TBL3: variants seen among roughly 807,000 people sequenced by gnomAD.
TBL3 encodes the protein transducin beta-like protein 3.
Under a neutral mutation model 102.7 loss-of-function variants are expected in TBL3, and 71 were observed. The ratio of observed to expected loss-of-function variants is 0.69; its 90% confidence interval spans 0.57 to 0.84. The LOEUF is 0.84. Ranked by LOEUF, TBL3 falls within the 40% of genes least tolerant of loss-of-function variation. The pLI is 0.00. For synonymous variants in TBL3, 578 were observed against 477.7 expected (o/e 1.21, Z -2.74); for missense variants, 1,188 against 1,098.5 (o/e 1.08, Z -1.15).
At chr16:1,976,370 C>A in intron 13 of TBL3, 56 bp downstream of exon 13, 2 of 1,473,794 alleles carry the variant, frequency 1.4e-6, no homozygotes, top group South Asian at 1.2e-5. Flanking sequence ...CCAGGCCTGC[C>A]AGCAGGGCTG....
rs769010540 is a variant in TBL3, at chr16:1,980,189, G to A, written c.*1504G>A. On this transcript the variant is annotated 3_prime_UTR_variant, in exon 22 of 22. Coordinates refer to ENST00000568546, the MANE Select transcript of TBL3 (RefSeq NM_006453.3). ...GTGGGCAGGATCACCCGGCTGGGAA[G>A]GGCAGCCCGTACGAGTGAGAGGTAG... 3.8e-6 allele frequency: 6 copies of A among 1,594,084 alleles called. No homozygotes were observed. Among genetic ancestry groups the A allele is most frequent in the Non-Finnish European group, 5.1e-6 (6 of 1,173,488 alleles).
At position 1,980,434 on chromosome 16, in the gene TBL3, T is replaced by C; in HGVS notation, c.*1749T>C. ...GCGAAGAAGCCAGTGATCGTCGGGC[T>C]CCGTGCCACGCGCTCTGCAGTCGCC... On this transcript the variant is annotated 3_prime_UTR_variant, in exon 22 of 22. Transcript: ENST00000568546. 1.2e-6 allele frequency: 2 copies of C among 1,602,352 alleles called. No homozygotes were observed. The highest frequency in any genetic ancestry group is 1.7e-6 in the Non-Finnish European group (2 of 1,179,864).
chr16:1,974,456 C>CCAG, intron 4 of TBL3, 33 bp downstream of exon 4: 1 of 1,592,926 alleles, frequency 6.3e-7, no homozygotes, highest in Non-Finnish European at 8.6e-7. Context: ...GGGACCCGCT[C>CCAG]CAGCGCCTCC....
At position 1,974,609 on chromosome 16, in the gene TBL3, G is replaced by A. The variant is rs1032035663; in HGVS notation, c.309G>A (p.Leu103=). Residue 103 remains leucine (L), a synonymous_variant, in exon 5 of 22, where the codon CTG becomes CTA. Coordinates refer to ENST00000568546, the MANE Select transcript of TBL3 (RefSeq NM_006453.3). ...GGCAAGAGGGCAGCGTTACCCGCCT[G>A]TGGAAGGCGATACACACGGCCCCCG... ...WAWQEGSVTR[L]WKAIHTAPVA... 4 of 1,611,884 alleles carry A rather than the reference G, an allele frequency of 2.5e-6. No individual in the cohort carries two copies. The highest frequency in any genetic ancestry group is 2.5e-6 in the Non-Finnish European group (3 of 1,178,830).
chr16:1,974,704 T>C (rs757106208), intron 5 of TBL3, 25 bp downstream of exon 5: 1 of 1,611,494 alleles, frequency 6.2e-7, no homozygotes, highest in Admixed American at 1.7e-5. Flanking sequence ...TGCAGGTGGG[T>C]CGTGGGCACA....
Position 1,980,709 on chromosome 16 carries a change from G to C in TBL3, c.*2024G>C. The C allele has an allele frequency of 6.2e-7, 1 of 1,605,400 alleles. No individual in the cohort carries two copies. Among genetic ancestry groups the C allele is most frequent in the Non-Finnish European group, 8.5e-7 (1 of 1,176,354 alleles). ...TCTCCGCAGCAGGCCCGCCTCCACC[G>C]GGAAGGTCTCCTTGAGGGTCTTCTG... On this transcript the variant is annotated 3_prime_UTR_variant, in exon 22 of 22. Coordinates refer to ENST00000568546, the MANE Select transcript of TBL3 (RefSeq NM_006453.3).
intron 18 of TBL3, 45 bp from the exon 19 acceptor site, chr16:1,977,913 G>A: frequency 2.1e-5 from 34 of 1,590,646 alleles, no homozygotes; most frequent in Non-Finnish European, 2.8e-5. Flanking sequence ...TCTGCCTGCA[G>A]CCCCAGCCAG....
rs544086040 is a variant in TBL3, at chr16:1,975,190, C to T, written c.639C>T (p.Ser213=). The change falls in exon 8 of 22, where the codon TCC becomes TCT. Residue 213 remains serine, a synonymous_variant. Transcript: ENST00000568546. ...GAGGTTGCCGTTGCTCCTTCAGCTC[C>T]GGCCGTGACAAGATATGTATCATCT... ...FSADGHTMLS[S]GRDKICIIWD... is the part of the protein sequence containing the mutation. 52 of 1,613,796 alleles carry T rather than the reference C, an allele frequency of 3.2e-5. No individual in the cohort carries two copies. Among genetic ancestry groups the T allele is most frequent in the East Asian group, 3.1e-4 (14 of 44,870 alleles).
At position 1,980,477 on chromosome 16, in the gene TBL3, G is replaced by A; in HGVS notation, c.*1792G>A. ...CAGTCGCCAGCAGCCTCCGAGAATAGGTTTCCAACAGCTGCAGGCGCGCCA... is the reference window on the plus strand; with the variant it reads ...CAGTCGCCAGCAGCCTCCGAGAATAAGTTTCCAACAGCTGCAGGCGCGCCA... On this transcript the variant is annotated 3_prime_UTR_variant, in exon 22 of 22. Transcript: ENST00000568546. 1 of 1,602,558 alleles carries A rather than the reference G, an allele frequency of 6.2e-7. No homozygotes were observed. The highest frequency in any genetic ancestry group is 8.5e-7 in the Non-Finnish European group (1 of 1,179,822).
In TBL3 at chr16:1,977,183, C is replaced by T. The variant is rs377747878; in HGVS notation, c.1570C>T (p.Leu524Phe). The T allele has an allele frequency of 1.2e-6, 2 of 1,613,190 alleles. No homozygotes were observed. Among genetic ancestry groups the T allele is most frequent in the Non-Finnish European group, 1.7e-6 (2 of 1,180,018 alleles). Reference protein sequence around the residue: ...LGVFSGHRRGLWCVQFSPMDQ... With the variant: ...LGVFSGHRRGFWCVQFSPMDQ... ...TGTCTTCTCAGGCCACCGGCGTGGC[C>T]TCTGGTGCGTCCAGTTCTCTCCCAT... The change falls in exon 15 of 22, where the codon CTC becomes TTC. Residue 524 changes from leucine (L) to phenylalanine (F), a missense_variant. Physicochemically the swap from Leu to Phe is conservative, Grantham distance 22. Transcript: ENST00000568546.
At position 1,974,208 on chromosome 16, in the gene TBL3, T is replaced by G; in HGVS notation, c.105T>G (p.Thr35=). ...YKGGKAQLDQ[T]GQHLFCVCGT... is the part of the protein sequence containing the mutation. ...CTCTCTGTCCCCAGCTGGACCAGAC[T>G]GGCCAGCACCTCTTCTGCGTCTGTG... is the stretch of plus-strand genomic sequence containing the variant. The change falls in exon 3 of 22, where the codon ACT becomes ACG. Residue 35 remains threonine, a synonymous_variant. Coordinates refer to ENST00000568546, the MANE Select transcript of TBL3 (RefSeq NM_006453.3). 2 of 1,594,956 alleles carry G rather than the reference T, an allele frequency of 1.3e-6. No homozygotes were observed. The highest frequency in any genetic ancestry group is 2.2e-5 in the South Asian group (2 of 89,306).
At chr16:1,975,786 C>T (rs201902006) in intron 10 of TBL3, 22 bp from the exon 11 acceptor site, 220 of 1,613,998 alleles carry the variant, frequency 1.4e-4, no homozygotes, top group Non-Finnish European at 1.7e-4. Context: ...GCTCACATCT[C>T]CTGCTCCCTG....
Position 1,978,656 on chromosome 16 carries a change from T to A in TBL3, c.2398T>A (p.Trp800Arg), listed in dbSNP as rs764915396. 1.3e-5 allele frequency: 21 copies of A among 1,611,796 alleles called. No homozygotes were observed. In the South Asian group the frequency reaches 2.0e-4, roughly 15 times the overall value. The change falls in exon 22 of 22, where the codon TGG (tryptophan) becomes AGG (arginine). Residue 800 changes from tryptophan (W) to arginine (R), a missense_variant. By Grantham distance (101) the Trp-to-Arg change is moderately radical. Transcript: ENST00000568546. ...LPVPAAAPTP[W>R]ETHKGALP is the part of the protein sequence containing the mutation. ...TGTGCCGGCCGCCGCCCCCACCCCC[T>A]GGGAAACCCATAAAGGCGCACTGCC...
chr16:1,979,069 G>A lies in TBL3; in HGVS notation c.*384G>A. 6.5e-7 allele frequency: 1 copy of A among 1,541,126 alleles called. No homozygotes were observed. ...CCTCGCGCTCACTGCTCCGTCGTGG[G>A]GTGCGGCACAGAGTCCACGCACCCT... On this transcript the variant is annotated 3_prime_UTR_variant, in exon 22 of 22. Coordinates refer to ENST00000568546, the MANE Select transcript of TBL3 (RefSeq NM_006453.3).
rs2083521450 is a variant in TBL3, at chr16:1,982,382, G to T, written c.*3697G>T. ...CTCAGCTGAGGGCCCAGCTGACCTG[G>T]TGGGGTCCAGCGTGTGAACCCAGGG... On this transcript the variant is annotated 3_prime_UTR_variant, in exon 22 of 22. Transcript: ENST00000568546. The T allele has an allele frequency of 6.6e-6, 1 of 152,112 alleles. No homozygotes were observed. Among genetic ancestry groups the T allele is most frequent in the Non-Finnish European group, 1.5e-5 (1 of 68,028 alleles). The allele number at this position is 152,112 out of a possible 1,614,324, so 9.4% of individuals were successfully genotyped here.
rs1355181903 is a variant in TBL3, at chr16:1,980,319, C to G, written c.*1634C>G. ...GTTCCCCCCCACCCTGGACCTCTCC[C>G]AGCTCCAAACGCCGCTGCATGCTGG... On this transcript the variant is annotated 3_prime_UTR_variant, in exon 22 of 22. Coordinates refer to ENST00000568546, the MANE Select transcript of TBL3 (RefSeq NM_006453.3). 6.4e-7 allele frequency: 1 copy of G among 1,572,252 alleles called. No homozygotes were observed. Among genetic ancestry groups the G allele is most frequent in the South Asian group, 1.1e-5 (1 of 87,810 alleles).
At position 1,981,764 on chromosome 16, in the gene TBL3, G is replaced by A. The variant is rs2083514335; in HGVS notation, c.*3079G>A. The A allele has an allele frequency of 6.4e-6, 1 of 155,758 alleles. No individual in the cohort carries two copies. The highest frequency in any genetic ancestry group is 1.9e-4 in the South Asian group (1 of 5,152). 9.6% of individuals were successfully genotyped at this position (155,758 alleles called of 1,614,324 possible). ...CTCTTAATGTCCCCAACTCATAGAG[G>A]AGGAAATGTGTGTTAAATGCGTAAT... On this transcript the variant is annotated 3_prime_UTR_variant, in exon 22 of 22. Transcript: ENST00000568546.
Position 1,979,295 on chromosome 16 carries a change from C to T in TBL3, c.*610C>T, listed in dbSNP as rs767806233. 2.6e-6 allele frequency: 4 copies of T among 1,563,386 alleles called. No homozygotes were observed. Among genetic ancestry groups the T allele is most frequent in the Non-Finnish European group, 3.4e-6 (4 of 1,162,250 alleles). The stretch of plus-strand genomic sequence containing the variant: ...ACCCCGTCCCGCTCAGGAGAGCGCC[C>T]AGCCCTTCCGGCCGCAGCAGCACCG... On this transcript the variant is annotated 3_prime_UTR_variant, in exon 22 of 22. Coordinates refer to ENST00000568546, the MANE Select transcript of TBL3 (RefSeq NM_006453.3).
chr16:1,974,503 T>C (rs545321281), intron 4 of TBL3, 35 bp from the exon 5 acceptor site: 106 of 1,587,954 alleles, frequency 6.7e-5, no homozygotes, highest in Non-Finnish European at 8.8e-5. Context: ...GAGCAGGGTA[T>C]TGCTGCCCCT....
Sources: gnomAD v4.1 joint callset for allele counts on GRCh38, gnomAD v4.1.1 for gene constraint, MANE v1.5 for transcripts, NCBI Gene and HGNC (gene_info 2026-07-23, HGNC 2026-07-21) for gene names.